SYCP2L: variants seen among roughly 807,000 people sequenced by gnomAD.
SYCP2L encodes synaptonemal complex protein 2 like, also known as synaptonemal complex protein 2-like.
SYCP2L carries 98 observed loss-of-function variants against 125.8 expected under a neutral mutation model. The observed-to-expected ratio is 0.78, with a 90% confidence interval of 0.66 to 0.92. SYCP2L has a LOEUF of 0.92. Ranked by LOEUF, SYCP2L falls within the 40% of genes least tolerant of loss-of-function variation. SYCP2L has a pLI of 0.00. For missense variants in SYCP2L, 842 were observed against 936.4 expected (o/e 0.90, Z 1.32); for synonymous variants, 317 against 325.4 (o/e 0.97, Z 0.28).
At chr6:10,929,283 C>G (rs1279327215) in intron 18 of SYCP2L, among the ~76,000 whole-genome samples, 1 of 152,156 alleles carries the variant, frequency 6.6e-6, no homozygotes, top group African/African-American at 2.4e-5. Flanking sequence ...CATTTGGGAT[C>G]TAGAGACTGA....
chr6:10,927,935 G>A (rs575735378), intron 17 of SYCP2L, among the ~76,000 whole-genome samples: 2 of 152,244 alleles, frequency 1.3e-5, no homozygotes, highest in East Asian at 1.9e-4. Context: ...AGAATTCAGC[G>A]ATATTTCTCC....
At position 10,912,525 on chromosome 6, in the gene SYCP2L, C is replaced by A; in HGVS notation, c.919-148C>A. The A allele has an allele frequency of 1.7e-6, 1 of 591,500 alleles. No homozygotes were observed. Among genetic ancestry groups the A allele is most frequent in the Non-Finnish European group, 2.9e-6 (1 of 343,774 alleles). 36.6% of individuals were successfully genotyped at this position (591,500 alleles called of 1,614,324 possible). On this transcript the variant is annotated intron_variant, in intron 12 of 29. Coordinates refer to ENST00000283141, the MANE Select transcript of SYCP2L (RefSeq NM_001040274.3). The surrounding 1 kb of genome is among the most constrained non-coding windows in gnomAD (Gnocchi z 4.1). ...AAAATTGAGATCCTTCTGTTTTGCA[C>A]AAAAGAGTCAGTCAATAGAGGCCCT...
chr6:10,910,513 A>G (rs1205693592), intron 11 of SYCP2L, among the ~76,000 whole-genome samples: 1 of 152,204 alleles, frequency 6.6e-6, no homozygotes, highest in Non-Finnish European at 1.5e-5. Context: ...AGGTTGCTGG[A>G]GGTAGTTGTA....
In SYCP2L at chr6:10,912,564, A is replaced by G. The variant is rs777349820; in HGVS notation, c.919-109A>G. On this transcript the variant is annotated intron_variant, in intron 12 of 29. Coordinates refer to ENST00000283141, the MANE Select transcript of SYCP2L (RefSeq NM_001040274.3). This position sits in a 1 kb window ranked among gnomAD's most constrained non-coding sequence, Gnocchi z 4.1. Reference sequence around the variant, plus strand: ...AATAGAGGCCCTATAATGCTAGGATAATGCTGTTCCAGGAAGAGCACAAAT... The same window carrying G: ...AATAGAGGCCCTATAATGCTAGGATGATGCTGTTCCAGGAAGAGCACAAAT... The G allele has an allele frequency of 2.4e-5, 18 of 753,718 alleles. No individual in the cohort carries two copies. Among genetic ancestry groups the G allele is most frequent in the Non-Finnish European group, 3.7e-5 (17 of 459,468 alleles). 46.7% of individuals were successfully genotyped at this position (753,718 alleles called of 1,614,324 possible).
chr6:10,921,651 G>T (rs1163147206), intron 14 of SYCP2L, among the ~76,000 whole-genome samples: 1 of 151,546 alleles, frequency 6.6e-6, no homozygotes, highest in African/African-American at 2.4e-5. Context: ...TTTTTCATAC[G>T]TTTGTTGGCT....
At chr6:10,920,770 ACT>A (rs1581826648) in intron 14 of SYCP2L, among the ~76,000 whole-genome samples, 2 of 137,278 alleles carry the variant, frequency 1.5e-5, no homozygotes, top group African/African-American at 2.8e-5. Flanking sequence ...TTTGTTACAT[ACT>A]CTCTGCAGGA....
chr6:10,967,326 T>C (rs1435918057), intron 29 of SYCP2L, among the ~76,000 whole-genome samples: 1 of 152,144 alleles, frequency 6.6e-6, no homozygotes, highest in Non-Finnish European at 1.5e-5. Context: ...ATAACTTTGA[T>C]ACCAAAACAG....
At chr6:10,906,127 A>G in intron 9 of SYCP2L, 73 bp downstream of exon 9, 2 of 815,782 alleles carry the variant, frequency 2.5e-6, no homozygotes, top group Non-Finnish European at 4.1e-6. Context: ...GCATCTTGGG[A>G]CTATGGGGAA....
intron 26 of SYCP2L, among the ~76,000 whole-genome samples, chr6:10,960,645 G>A (rs1781577904): frequency 6.6e-6 from 1 of 152,120 alleles, no homozygotes; most frequent in African/African-American, 2.4e-5. Context: ...CAGGTTTCAG[G>A]GCCAGCTTAA....
intron 21 of SYCP2L, 53 bp downstream of exon 21, chr6:10,935,240 T>G (rs910020595): frequency 1.5e-5 from 23 of 1,563,838 alleles, no homozygotes; most frequent in Non-Finnish European, 1.9e-5. Flanking sequence ...TTGGGAAAGG[T>G]AGTTTGAAGT....
intron 1 of SYCP2L, among the ~76,000 whole-genome samples, chr6:10,890,590 T>C (rs901554349): frequency 2.6e-5 from 4 of 152,240 alleles, no homozygotes; most frequent in African/African-American, 9.6e-5. Context: ...ATTCTAGATA[T>C]TAATGGCTTG....
At chr6:10,930,326 C>A in intron 18 of SYCP2L, 44 bp from the exon 19 acceptor site, 6 of 1,587,800 alleles carry the variant, frequency 3.8e-6, no homozygotes, top group Non-Finnish European at 5.1e-6. Context: ...ATAAGAGGCA[C>A]TAACACCCCT....
At chr6:10,970,187 G>T (rs1781747774) in intron 29 of SYCP2L, among the ~76,000 whole-genome samples, 1 of 152,174 alleles carries the variant, frequency 6.6e-6, no homozygotes, top group Non-Finnish European at 1.5e-5. Flanking sequence ...AAGTCTGAAG[G>T]TCGAGATGGA....
At chr6:10,893,836 A>G in intron 2 of SYCP2L, 31 bp from the exon 3 acceptor site, 3 of 1,598,086 alleles carry the variant, frequency 1.9e-6, no homozygotes, top group Non-Finnish European at 2.5e-6. Context: ...TTCTTGGGGA[A>G]AAAGTAATTT....
chr6:10,893,700 A>AATG (rs1312723594), intron 2 of SYCP2L, among the ~76,000 whole-genome samples, 167 bp from the exon 3 acceptor site: 4 of 152,206 alleles, frequency 2.6e-5, no homozygotes, highest in Non-Finnish European at 5.9e-5. Context: ...CGGAAACATC[A>AATG]ATCATTTGTG....
rs1218868051 is a variant in SYCP2L at position 10,961,369 on chromosome 6, A to T, written c.2320A>T (p.Ile774Phe). ...LQELSSLKQD[I>F]QALEHLEKEV... ...AGAGTTGAGCAGTCTTAAGCAGGAT[A>T]TTCAGGCCCTGGAACACCTTGAGAA... The change falls in exon 27 of 30, where the codon ATT becomes TTT. Residue 774 changes from isoleucine to phenylalanine, a missense_variant. By Grantham distance (21) the Ile-to-Phe change is conservative. Coordinates refer to ENST00000283141, the MANE Select transcript of SYCP2L (RefSeq NM_001040274.3). The T allele has an allele frequency of 6.2e-7, 1 of 1,614,224 alleles. No homozygotes were observed. The highest frequency in any genetic ancestry group is 2.2e-5 in the East Asian group (1 of 44,882).
Position 10,903,393 on chromosome 6 carries a change from A to T in SYCP2L, c.641+430A>T, listed in dbSNP as rs548411892. Among the ~76,000 whole-genome samples, 4 of 152,240 alleles carry T rather than the reference A, an allele frequency of 2.6e-5. No homozygotes were observed. In the East Asian group the frequency reaches 7.7e-4, roughly 29 times the overall value. ...GAAACCCTGTCTCCACTAAAAATAC[A>T]AAAAATTAGCCGGCTGTGGTGGTGG... On this transcript the variant is annotated intron_variant, in intron 8 of 29. Transcript: ENST00000283141.
intron 12 of SYCP2L, among the ~76,000 whole-genome samples, chr6:10,911,365 C>CAT (rs1201435444): frequency 8.5e-5 from 13 of 152,060 alleles, no homozygotes; most frequent in Non-Finnish European, 1.5e-5. Flanking sequence ...CAAGGTCCTT[C>CAT]ATATAAAAGG....
chr6:10,961,825 T>A (rs920449183), intron 28 of SYCP2L, among the ~76,000 whole-genome samples: 10 of 152,366 alleles, frequency 6.6e-5, no homozygotes, highest in East Asian at 3.8e-4. Flanking sequence ...CAGTATTTTT[T>A]AAAATTAAAA....
Sources: gnomAD v4.1 joint callset for allele counts (sites outside exome capture counted in the v4.1 genomes callset) on GRCh38, gnomAD v4.1.1 for gene constraint, Gnocchi (gnomAD v3.1) non-coding constraint, MANE v1.5 for transcripts, NCBI Gene and HGNC (gene_info 2026-07-23, HGNC 2026-07-21) for gene names.